TBXAS1: variants seen among roughly 807,000 people sequenced by gnomAD.
The protein encoded by TBXAS1 is thromboxane-A synthase.
A neutral mutation model predicts 60.7 loss-of-function variants in TBXAS1; 48 were observed. That is an observed-to-expected ratio of 0.79 (90% CI 0.63 to 1.01). The LOEUF is 1.01. TBXAS1 is among the 50% of genes least tolerant of loss of function. The pLI, the probability that TBXAS1 is intolerant of heterozygous loss-of-function variation, is 0.00. For synonymous variants in TBXAS1, 287 were observed against 269.7 expected (o/e 1.06, Z -0.63); for missense variants, 685 against 686.3 (o/e 1.00, Z 0.02).
chr7:139,997,453 T>C lies in TBXAS1; in HGVS notation c.1135-9638T>C, dbSNP rs539816713. 2.3e-4 allele frequency among the ~76,000 whole-genome samples: 35 copies of C among 152,310 alleles called. No individual in the cohort carries two copies. The South Asian group carries it at 7.3e-3, about 32-fold the overall frequency. ...TTCAAAGACTCGAATCTAGTTGATG[T>C]TGGAATGCGTTTTTGCTTATGAGTG... On this transcript the variant is annotated intron_variant, in intron 9 of 12. Coordinates refer to ENST00000448866, the MANE Select transcript of TBXAS1 (RefSeq NM_001061.7).
intron 4 of TBXAS1, among the ~76,000 whole-genome samples, chr7:139,813,380 A>G (rs1798070047): frequency 6.6e-6 from 1 of 152,194 alleles, no homozygotes. Context: ...GCCACAAAAG[A>G]TGGGCTGCTG....
intron 3 of TBXAS1, among the ~76,000 whole-genome samples, chr7:139,882,878 A>G (rs1802802261): frequency 6.6e-6 from 1 of 152,248 alleles, no homozygotes; most frequent in South Asian, 2.1e-4. Context: ...ATTGAGCATC[A>G]TTCAGTGAGT....
At chr7:139,851,126 C>G (rs1301736668) in intron 1 of TBXAS1, among the ~76,000 whole-genome samples, 2 of 152,216 alleles carry the variant, frequency 1.3e-5, no homozygotes, top group Admixed American at 1.3e-4. Context: ...CTGTAACCCT[C>G]AAATCTTTTT....
At chr7:139,968,647 T>A (rs893078862) in intron 9 of TBXAS1, among the ~76,000 whole-genome samples, 1 of 152,210 alleles carries the variant, frequency 6.6e-6, no homozygotes. Context: ...GGGCCACATG[T>A]GTTTTCTTCC....
At chr7:139,978,572 C>T (rs550521746) in intron 9 of TBXAS1, among the ~76,000 whole-genome samples, 20 of 151,734 alleles carry the variant, frequency 1.3e-4, no homozygotes, top group African/African-American at 3.6e-4. Flanking sequence ...TCATTGAACA[C>T]GCGCTCTGTT....
chr7:139,791,622 T>C, intron 4 of TBXAS1, among the ~76,000 whole-genome samples: 1 of 152,176 alleles, frequency 6.6e-6, no homozygotes, highest in East Asian at 1.9e-4. Flanking sequence ...TTGTATTGTG[T>C]AATATTTATA....
At chr7:139,871,072 T>G (rs550589760) in intron 1 of TBXAS1, among the ~76,000 whole-genome samples, 42 of 152,164 alleles carry the variant, frequency 2.8e-4, no homozygotes, top group Middle Eastern at 3.4e-3. Context: ...CAGAAATAAA[T>G]AAAGAAATAA....
At chr7:139,905,057 TTCTCTCTC>T (rs796683953) in intron 3 of TBXAS1, among the ~76,000 whole-genome samples, 4 of 107,488 alleles carry the variant, frequency 3.7e-5, no homozygotes, top group Non-Finnish European at 5.5e-5. Flanking sequence ...CTTTCTTTCT[TTCTCTCTC>T]TCTCTCTCTC....
chr7:139,844,154 G>C (rs1250732681), intron 1 of TBXAS1, among the ~76,000 whole-genome samples: 1 of 152,154 alleles, frequency 6.6e-6, no homozygotes, highest in Non-Finnish European at 1.5e-5. Context: ...AGAATACGTG[G>C]TACATGGGGG....
chr7:139,815,740 G>A (rs1237786017), intron 4 of TBXAS1, among the ~76,000 whole-genome samples: 5 of 152,178 alleles, frequency 3.3e-5, no homozygotes, highest in African/African-American at 2.4e-5. Flanking sequence ...TGAGACCAGG[G>A]CTTCCGTAGG....
chr7:140,018,690 T>G (rs1815295714), intron 12 of TBXAS1, among the ~76,000 whole-genome samples: 1 of 152,160 alleles, frequency 6.6e-6, no homozygotes, highest in African/African-American at 2.4e-5. Context: ...AGATGAGGAA[T>G]CAAAGCTCAG....
At chr7:140,016,067 G>A (rs1405739653) in intron 11 of TBXAS1, among the ~76,000 whole-genome samples, 4 of 152,284 alleles carry the variant, frequency 2.6e-5, no homozygotes, top group African/African-American at 4.8e-5. Flanking sequence ...GGTGGCTCAT[G>A]CCTGTAATCC....
rs1441259752 is a variant in TBXAS1, at chr7:139,993,812, G to A, written c.1135-13279G>A. Among the ~76,000 whole-genome samples, 3 of 152,022 alleles carry A rather than the reference G, an allele frequency of 2.0e-5. 1 individual carries two copies. The South Asian group carries it at 6.2e-4, about 32-fold the overall frequency. On this transcript the variant is annotated intron_variant, in intron 9 of 12. Transcript: ENST00000448866. ...TAGGCAAGTCACTTCACCTCTCTGGGCTGTGGTTCCTCATCCATCCAATGG... is the reference window on the plus strand; with the variant it reads ...TAGGCAAGTCACTTCACCTCTCTGGACTGTGGTTCCTCATCCATCCAATGG...
intron 4 of TBXAS1, among the ~76,000 whole-genome samples, chr7:139,929,822 C>A (rs941681921): frequency 1.8e-4 from 28 of 152,210 alleles, no homozygotes; most frequent in African/African-American, 4.8e-4. Flanking sequence ...AGCCTCCACC[C>A]CCGCTCTCTC....
chr7:139,964,841 A>G (rs1254100016), intron 9 of TBXAS1, among the ~76,000 whole-genome samples: 1 of 152,254 alleles, frequency 6.6e-6, no homozygotes, highest in East Asian at 1.9e-4. Context: ...TTAGAGAGCC[A>G]TGGGGCGATA....
intron 4 of TBXAS1, among the ~76,000 whole-genome samples, chr7:139,924,172 C>T (rs1806705533): frequency 6.6e-6 from 1 of 152,132 alleles, no homozygotes; most frequent in Non-Finnish European, 1.5e-5. Flanking sequence ...AGTGGGATTA[C>T]TGGATCATAT....
chr7:139,924,843 A>G (rs1806763533), intron 4 of TBXAS1, among the ~76,000 whole-genome samples: 1 of 152,142 alleles, frequency 6.6e-6, no homozygotes, highest in African/African-American at 2.4e-5. Context: ...ATATGGTGAG[A>G]GATAGGGGTC....
In TBXAS1 at chr7:139,995,427, G is replaced by A. The variant is rs565591316; in HGVS notation, c.1135-11664G>A. On this transcript the variant is annotated intron_variant, in intron 9 of 12. Transcript: ENST00000448866. ...TGATGGCTCTCCGCCTTCCCGTCAC[G>A]TTTATTTGGCCTGGCAGAGTGACCA... 5.3e-5 allele frequency among the ~76,000 whole-genome samples: 8 copies of A among 152,224 alleles called. No individual in the cohort carries two copies. The East Asian group carries it at 1.4e-3, about 26-fold the overall frequency.
At chr7:139,842,850 TC>T (rs745405741) in intron 1 of TBXAS1, among the ~76,000 whole-genome samples, 1 of 152,182 alleles carries the variant, frequency 6.6e-6, no homozygotes, top group Non-Finnish European at 1.5e-5. Flanking sequence ...GTCAGCCAGT[TC>T]CTCAACACAA....
Sources: allele counts gnomAD v4.1 joint callset (sites outside exome capture counted in the v4.1 genomes callset), GRCh38; gene constraint gnomAD v4.1.1; transcripts MANE v1.5; gene names NCBI Gene and HGNC (gene_info 2026-07-23, HGNC 2026-07-21).